The following PCDH15 variants were observed in gnomAD, a reference collection of about 807,000 sequenced individuals.
The protein encoded by PCDH15 is protocadherin related 15, also known as protocadherin-15.
In PCDH15, 129 loss-of-function variants were observed where a neutral mutation model predicts 178.5. The observed-to-expected ratio is 0.72, with a 90% CI of 0.63 to 0.84. The LOEUF is 0.84. Among genes scored for constraint, PCDH15 ranks in the 40% least tolerant of loss-of-function variants. The pLI is 0.00. For missense variants in PCDH15, 2,230 were observed against 2,099.9 expected (o/e 1.06, Z -1.21); for synonymous variants, 800 against 732.0 (o/e 1.09, Z -1.50).
chr10:54,323,452 A>G (rs988296900), intron 7 of PCDH15, among the ~76,000 whole-genome samples: 14 of 152,150 alleles, frequency 9.2e-5, no homozygotes, highest in African/African-American at 3.1e-4. Context: ...AGCAAAAAAC[A>G]TGGAATCAAC....
At chr10:54,890,590 T>C (rs1373373354) in intron 3 of PCDH15, among the ~76,000 whole-genome samples, 2 of 151,988 alleles carry the variant, frequency 1.3e-5, no homozygotes, top group Non-Finnish European at 2.9e-5. Flanking sequence ...TTATTTCTTT[T>C]AGGCTCCATG....
intron 2 of PCDH15, chr10:55,469,216 C>A (rs2132104897): frequency 6.6e-6 from 1 of 152,202 alleles, no homozygotes; most frequent in East Asian, 1.9e-4. Flanking sequence ...ACAGAGGCAA[C>A]AGGTAGCTTG....
chr10:54,293,973 T>C (rs1454381705), intron 8 of PCDH15, among the ~76,000 whole-genome samples: 2 of 152,162 alleles, frequency 1.3e-5, no homozygotes, highest in African/African-American at 2.4e-5. Flanking sequence ...ACTGGATATA[T>C]ACCCAAAGGA....
intron 26 of PCDH15, among the ~76,000 whole-genome samples, chr10:53,900,104 T>C (rs2082226919): frequency 6.6e-6 from 1 of 152,128 alleles, no homozygotes; most frequent in African/African-American, 2.4e-5. Context: ...CCAACTGAAA[T>C]GTTTTCTTCC....
intron 2 of PCDH15, among the ~76,000 whole-genome samples, chr10:55,619,667 T>C (rs1248520808): frequency 6.6e-6 from 1 of 152,088 alleles, no homozygotes; most frequent in Non-Finnish European, 1.5e-5. Flanking sequence ...AATTCATTAT[T>C]ATTTTTCAAT....
chr10:55,024,074 CATATATAT>C (rs71461269), intron 2 of PCDH15, among the ~76,000 whole-genome samples: 1 of 143,120 alleles, frequency 7.0e-6, no homozygotes. Flanking sequence ...TACACACACT[CATATATAT>C]ATATATATAG....
intron 2 of PCDH15, among the ~76,000 whole-genome samples, chr10:55,343,177 C>T (rs1844649147): frequency 6.6e-6 from 1 of 152,060 alleles, no homozygotes; most frequent in Non-Finnish European, 1.5e-5. Context: ...TTATAGCCAG[C>T]TTGAAAGGAG....
intron 2 of PCDH15, among the ~76,000 whole-genome samples, chr10:54,960,408 T>C (rs1485308762): frequency 6.6e-6 from 1 of 152,190 alleles, no homozygotes; most frequent in African/African-American, 2.4e-5. Flanking sequence ...TGTATGGATA[T>C]ATAAATTCCC....
chr10:54,552,774 T>C (rs1207417766), intron 2 of PCDH15, among the ~76,000 whole-genome samples: 1 of 152,154 alleles, frequency 6.6e-6, no homozygotes, highest in African/African-American at 2.4e-5. Flanking sequence ...TAATAATTTG[T>C]GTCAACATTA....
At chr10:55,187,369 T>C (rs1839827334) in intron 1 of PCDH15, among the ~76,000 whole-genome samples, 1 of 152,036 alleles carries the variant, frequency 6.6e-6, no homozygotes, top group African/African-American at 2.4e-5. Flanking sequence ...GTAGCATACA[T>C]GAGACAGAGC....
chr10:54,624,821 A>T (rs1255951682), intron 2 of PCDH15, among the ~76,000 whole-genome samples: 1 of 152,200 alleles, frequency 6.6e-6, no homozygotes, highest in African/African-American at 2.4e-5. Flanking sequence ...CGTGCTCCTA[A>T]TGAGAATCTA....
intron 8 of PCDH15, among the ~76,000 whole-genome samples, chr10:54,240,992 C>T (rs1345520818): frequency 6.6e-6 from 1 of 151,964 alleles, no homozygotes; most frequent in African/African-American, 2.4e-5. Context: ...TTATTCTTGC[C>T]CATGAATTGA....
chr10:54,122,077 C>T (rs534482758), intron 15 of PCDH15, among the ~76,000 whole-genome samples: 1 of 149,546 alleles, frequency 6.7e-6, no homozygotes, highest in African/African-American at 2.5e-5. Flanking sequence ...CTGGCCCATG[C>T]CTCTGAAGAA....
chr10:55,351,958 T>C, intron 2 of PCDH15, among the ~76,000 whole-genome samples: 1 of 152,150 alleles, frequency 6.6e-6, no homozygotes, highest in South Asian at 2.1e-4. Flanking sequence ...TGAGAGGCTC[T>C]TATGTGCCAC....
chr10:55,292,690 C>G (rs1843037015), intron 1 of PCDH15, among the ~76,000 whole-genome samples: 1 of 152,154 alleles, frequency 6.6e-6, no homozygotes, highest in Admixed American at 6.5e-5. Flanking sequence ...CCCAGGCAGT[C>G]AAACCTTAAA....
At chr10:55,615,063 A>G (rs1413966813) in intron 2 of PCDH15, among the ~76,000 whole-genome samples, 1 of 152,194 alleles carries the variant, frequency 6.6e-6, no homozygotes, top group Non-Finnish European at 1.5e-5. Context: ...ATTGTAAAAA[A>G]TCAGACTTCT....
At chr10:55,343,290 CAG>C (rs1844652380) in intron 2 of PCDH15, among the ~76,000 whole-genome samples, 1 of 152,104 alleles carries the variant, frequency 6.6e-6, no homozygotes, top group Non-Finnish European at 1.5e-5. Flanking sequence ...TTGTGAAAAA[CAG>C]AGATATATGT....
chr10:54,971,867 A>C (rs140299732), intron 2 of PCDH15, among the ~76,000 whole-genome samples: 4 of 152,330 alleles, frequency 2.6e-5, no homozygotes, highest in Admixed American at 1.3e-4. Context: ...ATTTGTCATT[A>C]AGTTCTCTGG....
At chr10:55,567,016 C>G (rs1180282934) in intron 2 of PCDH15, among the ~76,000 whole-genome samples, 1 of 151,902 alleles carries the variant, frequency 6.6e-6, no homozygotes, top group Non-Finnish European at 1.5e-5. Context: ...ACTCAGACTC[C>G]TGATTTCCAA....
Sources: gnomAD v4.1 joint callset for allele counts (sites outside exome capture counted in the v4.1 genomes callset) on GRCh38, gnomAD v4.1.1 for gene constraint, MANE v1.5 for transcripts, NCBI Gene and HGNC (gene_info 2026-07-23, HGNC 2026-07-21) for gene names.